Variants in PIK3CD observed in about 807,000 individuals in gnomAD.
PIK3CD encodes the protein phosphatidylinositol-4,5-bisphosphate 3-kinase catalytic subunit delta.
Under a neutral mutation model 122.9 loss-of-function variants are expected in PIK3CD, and 20 were observed. The observed-to-expected ratio is 0.16, with a 90% CI of 0.11 to 0.24. The LOEUF is 0.24. Among genes scored for constraint, PIK3CD ranks in the 10% least tolerant of loss-of-function variants. PIK3CD has a pLI of 1.00. For missense variants in PIK3CD, 787 were observed against 1,406.3 expected, an observed-to-expected ratio of 0.56 and a Z score of 7.04; for synonymous variants, 596 against 593.4, an observed-to-expected ratio of 1.00 and a Z score of -0.06.
upstream of PIK3CD, among the ~76,000 whole-genome samples, chr1:9,650,073 A>T (rs1261608911): frequency 3.3e-5 from 5 of 152,216 alleles, no homozygotes; most frequent in Non-Finnish European, 7.3e-5. Context: ...ATGAAGGCTC[A>T]GATGAATAAA....
intron 1 of PIK3CD, among the ~76,000 whole-genome samples, chr1:9,657,405 C>T (rs370967517): frequency 1.5e-4 from 23 of 152,208 alleles, no homozygotes; most frequent in African/African-American, 5.1e-4. Context: ...GTGGGAAGTG[C>T]GGTTATCTTT....
At chr1:9,649,619 T>A (rs1644638044), upstream of PIK3CD, among the ~76,000 whole-genome samples, 1 of 152,104 alleles carries the variant, frequency 6.6e-6, no homozygotes, top group African/African-American at 2.4e-5. Flanking sequence ...GTAGAAAAAG[T>A]CCTTCTCTAA....
Position 9,720,673 on chromosome 1 carries a change from G to A in PIK3CD, c.1521+12G>A, listed in dbSNP as rs1045173798. The A allele has an allele frequency of 1.6e-5, 24 of 1,542,020 alleles. No homozygotes were observed. The Admixed American group carries it at 3.1e-4, about 20-fold the overall frequency. On this transcript the variant is annotated intron_variant, in intron 12 of 23. Coordinates refer to ENST00000377346, the MANE Select transcript of PIK3CD (RefSeq NM_005026.5). This position sits in a 1 kb window ranked among gnomAD's most constrained non-coding sequence, Gnocchi z 9.0. ...TCACCGAGGAGGAGGTGAGTGGGGT[G>A]GGGGTGTGGGGTGGGGGGCATGGAG... is the stretch of plus-strand genomic sequence containing the variant.
At chr1:9,658,548 G>A (rs1245232873) in intron 1 of PIK3CD, among the ~76,000 whole-genome samples, 1 of 64,390 alleles carries the variant, frequency 1.6e-5, no homozygotes, top group African/African-American at 9.2e-5. Context: ...TTTTTTTGGT[G>A]AGGCAGAGTC....
rs201827010 is a variant in PIK3CD, at chr1:9,722,383, G to A, written c.2347+27G>A. ...TGAGGGCCTGGCCTCCCCACACCCC[G>A]CCTGTACTGCCCTGGGGGGTCCTGG... On this transcript the variant is annotated intron_variant, in intron 18 of 23. Transcript: ENST00000377346. This position sits in a 1 kb window ranked among gnomAD's most constrained non-coding sequence, Gnocchi z 7.6. The A allele has an allele frequency of 2.0e-5, 31 of 1,584,380 alleles. No individual in the cohort carries two copies. Among genetic ancestry groups the A allele is most frequent in the Middle Eastern group, 1.7e-4 (1 of 5,998 alleles).
At chr1:9,633,369 G>A in the PIK3CD span, among the ~76,000 whole-genome samples, 4 of 152,248 alleles carry the variant, frequency 2.6e-5, no homozygotes, top group East Asian at 1.9e-4. Flanking sequence ...GTGCGATGGC[G>A]CAGTCTCGGC....
At chr1:9,669,584 G>A (rs1265127500) in intron 1 of PIK3CD, among the ~76,000 whole-genome samples, 2 of 152,042 alleles carry the variant, frequency 1.3e-5, no homozygotes, top group Admixed American at 6.6e-5. Context: ...CCTCGGCCTC[G>A]CAAAGTACTG....
chr1:9,652,258 G>C lies in PIK3CD; in HGVS notation c.-138+456G>C, dbSNP rs1234399475. On this transcript the variant is annotated intron_variant, in intron 1 of 23. Coordinates refer to ENST00000377346, the MANE Select transcript of PIK3CD (RefSeq NM_005026.5). The surrounding 1 kb of genome is among the most constrained non-coding windows in gnomAD (Gnocchi z 6.2). ...AGGGGCCTCCTCTGTACGGCAGCGG[G>C]GTCCACAGAGAGCGCGCTGGTGATG... 6.6e-6 allele frequency among the ~76,000 whole-genome samples: 1 copy of C among 152,214 alleles called. No homozygotes were observed. Among genetic ancestry groups the C allele is most frequent in the Non-Finnish European group, 1.5e-5 (1 of 68,028 alleles).
In PIK3CD at chr1:9,652,185, T is replaced by C. The variant is rs777695412; in HGVS notation, c.-138+383T>C. On this transcript the variant is annotated intron_variant, in intron 1 of 23. Coordinates refer to ENST00000377346, the MANE Select transcript of PIK3CD (RefSeq NM_005026.5). This position sits in a 1 kb window ranked among gnomAD's most constrained non-coding sequence, Gnocchi z 6.2. ...TGCGCCGGCTGAGGCGCGAGGATACTGGAAGCGCTCAGCGCGTGCGCCCGC... is the reference window on the plus strand; with the variant it reads ...TGCGCCGGCTGAGGCGCGAGGATACCGGAAGCGCTCAGCGCGTGCGCCCGC... 6.6e-6 allele frequency among the ~76,000 whole-genome samples: 1 copy of C among 151,954 alleles called. No individual in the cohort carries two copies. Among genetic ancestry groups the C allele is most frequent in the Non-Finnish European group, 1.5e-5 (1 of 67,912 alleles).
chr1:9,632,623 G>A, the PIK3CD span, among the ~76,000 whole-genome samples: 2 of 152,122 alleles, frequency 1.3e-5, no homozygotes, highest in Admixed American at 6.6e-5. Flanking sequence ...CAAAGCACGC[G>A]CTGCAGCATT....
intron 1 of PIK3CD, among the ~76,000 whole-genome samples, chr1:9,670,150 CA>C (rs375500599): frequency 0.053 from 3,203 of 60,306 alleles, 43 homozygotes; most frequent in Non-Finnish European, 0.09. Context: ...AATTCCACCT[CA>C]AAAAAAAAAA....
the PIK3CD span, among the ~76,000 whole-genome samples, chr1:9,631,919 G>A: frequency 6.6e-6 from 1 of 152,068 alleles, no homozygotes; most frequent in African/African-American, 2.4e-5. Flanking sequence ...GTTGCATCCA[G>A]GGCTCTATTC....
intron 1 of PIK3CD, among the ~76,000 whole-genome samples, chr1:9,660,547 C>T (rs1644981863): frequency 6.6e-6 from 1 of 152,156 alleles, no homozygotes; most frequent in Non-Finnish European, 1.5e-5. Flanking sequence ...GAAAAAATTA[C>T]AGTCATTATA....
chr1:9,639,327 T>C, the PIK3CD span, among the ~76,000 whole-genome samples: 1 of 151,938 alleles, frequency 6.6e-6, no homozygotes, highest in African/African-American at 2.4e-5. Flanking sequence ...TCTAGAGAGA[T>C]AGAGGCTTTT....
chr1:9,709,020 A>G (rs577998683), intron 2 of PIK3CD, among the ~76,000 whole-genome samples: 5 of 151,760 alleles, frequency 3.3e-5, no homozygotes, highest in African/African-American at 9.7e-5. Flanking sequence ...AGGGTTTGGT[A>G]TGATTCAAAT....
chr1:9,647,715 A>G (rs937024783), upstream of PIK3CD, among the ~76,000 whole-genome samples: 3 of 152,004 alleles, frequency 2.0e-5, no homozygotes, highest in Non-Finnish European at 4.4e-5. Flanking sequence ...TATGTTGCTC[A>G]GGCTGGTCTT....
intron 1 of PIK3CD, among the ~76,000 whole-genome samples, chr1:9,684,845 C>A (rs866687821): frequency 5.3e-3 from 573 of 108,264 alleles, no homozygotes; most frequent in Non-Finnish European, 5.5e-3. Context: ...GACCCTGTCT[C>A]AAAAAAAAAA....
intron 1 of PIK3CD, among the ~76,000 whole-genome samples, chr1:9,688,690 A>G (rs994334452): frequency 6.6e-6 from 1 of 152,102 alleles, no homozygotes; most frequent in Non-Finnish European, 1.5e-5. Flanking sequence ...TAGCTGAGTG[A>G]GGTGGTGCGC....
chr1:9,670,150 CAAAAA>C (rs375500599), intron 1 of PIK3CD, among the ~76,000 whole-genome samples: 6 of 60,306 alleles, frequency 9.9e-5, no homozygotes, highest in Admixed American at 1.7e-4. Context: ...AATTCCACCT[CAAAAA>C]AAAAAAAAAA....
Sources: gnomAD v4.1 joint callset for allele counts (sites outside exome capture counted in the v4.1 genomes callset) on GRCh38, gnomAD v4.1.1 for gene constraint, Gnocchi (gnomAD v3.1) non-coding constraint, MANE v1.5 for transcripts, NCBI Gene and HGNC (gene_info 2026-07-23, HGNC 2026-07-21) for gene names.